UQCRB: variants seen among roughly 807,000 people sequenced by gnomAD.
The protein encoded by UQCRB is cytochrome b-c1 complex subunit 7.
UQCRB carries 12 observed loss-of-function variants against 19.8 expected under a neutral mutation model. The ratio of observed to expected loss-of-function variants is 0.61; its 90% CI spans 0.39 to 0.98. UQCRB has a LOEUF of 0.98. Ranked by LOEUF, UQCRB falls within the 50% of genes least tolerant of loss-of-function variation. The pLI is 0.00. For missense variants in UQCRB, 142 were observed against 131.8 expected (o/e 1.08, Z -0.38); for synonymous variants, 39 against 42.9 (o/e 0.91, Z 0.35).
chr8:96,233,041 A>C, intron 2 of UQCRB, 115 bp downstream of exon 2: 1 of 907,444 alleles, frequency 1.1e-6, no homozygotes, highest in Non-Finnish European at 1.7e-6. Context: ...ACAAGAACTG[A>C]AATGGTTTTT....
intron 1 of UQCRB, 159 bp from the exon 2 acceptor site, chr8:96,233,386 AAAG>A (rs1809722425): frequency 4.8e-6 from 3 of 623,408 alleles, no homozygotes; most frequent in African/African-American, 3.7e-5. Context: ...AATTTAATCA[AAAG>A]AATTAGATTT....
In UQCRB at chr8:96,227,770, T is replaced by C. The variant is rs750229698; in HGVS notation, c.*3285A>G. The C allele has an allele frequency of 4.4e-6, 2 of 453,744 alleles. No homozygotes were observed. Among genetic ancestry groups the C allele is most frequent in the Non-Finnish European group, 8.8e-6 (2 of 226,640 alleles). 28.1% of individuals were successfully genotyped at this position (453,744 alleles called of 1,614,324 possible). A position where few individuals can be genotyped will look rare whatever the true frequency, so the allele number is the denominator to read the frequency against. On this transcript the variant is annotated 3_prime_UTR_variant, in exon 4 of 4. Coordinates refer to ENST00000287022, the MANE Select transcript of UQCRB (RefSeq NM_006294.5). ...GCTGAATCTTTTCATAAGTCAAAATTAGTGCAGAGTTAATGCTTGAAAAGG... is the reference window on the plus strand; with the variant it reads ...GCTGAATCTTTTCATAAGTCAAAATCAGTGCAGAGTTAATGCTTGAAAAGG...
In UQCRB at chr8:96,227,603, A is replaced by G. The variant is rs1274264087; in HGVS notation, c.*3452T>C. The G allele has an allele frequency of 2.2e-6, 1 of 454,084 alleles. No individual in the cohort carries two copies. The highest frequency in any genetic ancestry group is 2.3e-5 in the Admixed American group (1 of 42,582). 28.1% of individuals were successfully genotyped at this position (454,084 alleles called of 1,614,324 possible). On this transcript the variant is annotated 3_prime_UTR_variant, in exon 4 of 4. Transcript: ENST00000287022. ...AAGCTGTCAAGGATTTGGTTATGAC[A>G]ATCTTCATGTTCACCTAACTTTTTA...
chr8:96,231,599 G>A lies in UQCRB; in HGVS notation c.258+175C>T, dbSNP rs73269962. The A allele has an allele frequency of 2.0e-3, 2,668 of 1,324,054 alleles. 38 individuals are homozygous for A. The African/African-American group carries it at 0.034, about 17-fold the overall frequency. 82.0% of individuals were successfully genotyped at this position (1,324,054 alleles called of 1,614,324 possible). On this transcript the variant is annotated intron_variant, in intron 3 of 3. Transcript: ENST00000287022. ...TAATTTCAGAAGAATCATTTCACAC[G>A]TAAGACTCAATGTGGTTTTCTTCTA...
At chr8:96,235,391 C>A in intron 1 of UQCRB, 121 bp downstream of exon 1, 1 of 1,421,134 alleles carries the variant, frequency 7.0e-7, no homozygotes, top group Non-Finnish European at 1.0e-6. Context: ...ACTGAAGCAG[C>A]CAATTTCCCT....
In UQCRB at chr8:96,230,558, C is replaced by T. The variant is rs945284448; in HGVS notation, c.*497G>A. 1 of 453,936 alleles carries T rather than the reference C, an allele frequency of 2.2e-6. No individual in the cohort carries two copies. 28.1% of individuals were successfully genotyped at this position (453,936 alleles called of 1,614,324 possible). On this transcript the variant is annotated 3_prime_UTR_variant, in exon 4 of 4. Transcript: ENST00000287022. The stretch of plus-strand genomic sequence containing the variant: ...TAACATCTTTTTGTTTTCTAGTATA[C>T]ATGTTAGCACAGGAGTATGTATATT...
rs1398647669 is a variant in UQCRB at position 96,228,288 on chromosome 8, C to T, written c.*2767G>A. 4 of 454,064 alleles carry T rather than the reference C, an allele frequency of 8.8e-6. No homozygotes were observed. The Admixed American group carries it at 9.4e-5, about 11-fold the overall frequency. 28.1% of individuals were successfully genotyped at this position (454,064 alleles called of 1,614,324 possible). A position where few individuals can be genotyped will look rare whatever the true frequency, so the allele number is the denominator to read the frequency against. On this transcript the variant is annotated 3_prime_UTR_variant, in exon 4 of 4. Transcript: ENST00000287022. ...AAGATATCAAACATTTTAAACTGTA[C>T]AAAGCAAATTAGCAGGATTTGAATA...
rs993801443 is a variant in UQCRB at position 96,229,172 on chromosome 8, G to A, written c.*1883C>T. On this transcript the variant is annotated 3_prime_UTR_variant, in exon 4 of 4. Coordinates refer to ENST00000287022, the MANE Select transcript of UQCRB (RefSeq NM_006294.5). Reference sequence around the variant, plus strand: ...TGAAGTAATCTGGAAACATAGAATAGGCATACACTTTGGCTTTAGGAAGAA... The same window carrying A: ...TGAAGTAATCTGGAAACATAGAATAAGCATACACTTTGGCTTTAGGAAGAA... 6.6e-6 allele frequency: 3 copies of A among 454,088 alleles called. No individual in the cohort carries two copies. Among genetic ancestry groups the A allele is most frequent in the Admixed American group, 2.3e-5 (1 of 42,574 alleles). The allele number at this position is 454,088 out of a possible 1,614,324, so 28.1% of individuals were successfully genotyped here.
chr8:96,235,336 C>T, intron 1 of UQCRB, 176 bp downstream of exon 1: 1 of 962,632 alleles, frequency 1.0e-6, no homozygotes, highest in Non-Finnish European at 1.6e-6. Context: ...GGCAAGCCCG[C>T]CCTGGGGACA....
Position 96,229,288 on chromosome 8 carries a change from G to A in UQCRB, c.*1767C>T, listed in dbSNP as rs979687342. ...GGGGTTCCTGTTATACCTCAGTCTT[G>A]GTCAGTTCTATTTGTTCCCCTGTCC... On this transcript the variant is annotated 3_prime_UTR_variant, in exon 4 of 4. Coordinates refer to ENST00000287022, the MANE Select transcript of UQCRB (RefSeq NM_006294.5). 6 of 453,938 alleles carry A rather than the reference G, an allele frequency of 1.3e-5. No homozygotes were observed. The highest frequency in any genetic ancestry group is 2.3e-5 in the Admixed American group (1 of 42,560). 28.1% of individuals were successfully genotyped at this position (453,938 alleles called of 1,614,324 possible).
chr8:96,223,001 CAG>C lies in UQCRB; in HGVS notation c.*8052_*8053del, dbSNP rs1442373992. The stretch of plus-strand genomic sequence containing the variant: ...CTAAAACATGTCAAATACATAGAAA[CAG>C]AGAAGAATGGTGGTTTCCAGAGTGG... On this transcript the variant is annotated 3_prime_UTR_variant, in exon 4 of 4. Transcript: ENST00000287022. 6.6e-6 allele frequency among the ~76,000 whole-genome samples: 1 copy of C among 151,978 alleles called. No individual in the cohort carries two copies. The highest frequency in any genetic ancestry group is 2.4e-5 in the African/African-American group (1 of 41,346).
Position 96,228,940 on chromosome 8 carries a change from T to C in UQCRB, c.*2115A>G, listed in dbSNP as rs1235146261. 1 of 454,074 alleles carries C rather than the reference T, an allele frequency of 2.2e-6. No individual in the cohort carries two copies. The highest frequency in any genetic ancestry group is 1.6e-5 in the South Asian group (1 of 64,472). 28.1% of individuals were successfully genotyped at this position (454,074 alleles called of 1,614,324 possible). ...GGTGATTTTCCACACAGGACGGCTT[T>C]TGATAATAGAAAGGCCCTCTCTTTC... On this transcript the variant is annotated 3_prime_UTR_variant, in exon 4 of 4. Transcript: ENST00000287022.
Position 96,225,899 on chromosome 8 carries a change from T to C in UQCRB, c.*5156A>G, listed in dbSNP as rs1352868405. 6.6e-6 allele frequency: 1 copy of C among 152,142 alleles called. No homozygotes were observed. The highest frequency in any genetic ancestry group is 1.5e-5 in the Non-Finnish European group (1 of 68,024). The allele number at this position is 152,142 out of a possible 1,614,324, so 9.4% of individuals were successfully genotyped here. ...TGGTTTTTCTCTGTATTCCCTACAC[T>C]GGTGGTTTTTAGCTGGGAGCAATTC... On this transcript the variant is annotated 3_prime_UTR_variant, in exon 4 of 4. Coordinates refer to ENST00000287022, the MANE Select transcript of UQCRB (RefSeq NM_006294.5).
Position 96,229,306 on chromosome 8 carries a change from C to A in UQCRB, c.*1749G>T. On this transcript the variant is annotated 3_prime_UTR_variant, in exon 4 of 4. Coordinates refer to ENST00000287022, the MANE Select transcript of UQCRB (RefSeq NM_006294.5). ...CAGTCTTGGTCAGTTCTATTTGTTC[C>A]CCTGTCCTTCAGCAGTGCCCTTAGG... 2.2e-6 allele frequency: 1 copy of A among 454,072 alleles called. No individual in the cohort carries two copies. The highest frequency in any genetic ancestry group is 4.4e-6 in the Non-Finnish European group (1 of 226,784). The allele number at this position is 454,072 out of a possible 1,614,324, so 28.1% of individuals were successfully genotyped here.
Position 96,231,029 on chromosome 8 carries a change from T to C in UQCRB, c.*26A>G, listed in dbSNP as rs1451376222. On this transcript the variant is annotated 3_prime_UTR_variant, in exon 4 of 4. Transcript: ENST00000287022. Reference sequence around the variant, plus strand: ...CAAGTTTAACCATCTTCATAACAGCTGCATCCACAGACTTCAACTACATGA... The same window carrying C: ...CAAGTTTAACCATCTTCATAACAGCCGCATCCACAGACTTCAACTACATGA... The C allele has an allele frequency of 4.4e-6, 7 of 1,600,832 alleles. No individual in the cohort carries two copies. Among genetic ancestry groups the C allele is most frequent in the Non-Finnish European group, 6.0e-6 (7 of 1,169,466 alleles).
intron 3 of UQCRB, 118 bp from the exon 4 acceptor site, chr8:96,231,250 CAT>C (rs761961970): frequency 3.1e-6 from 5 of 1,597,066 alleles, no homozygotes; most frequent in South Asian, 1.1e-5. Flanking sequence ...TTTTAGAAAA[CAT>C]ATTCTCAACC....
At position 96,227,454 on chromosome 8, in the gene UQCRB, T is replaced by C; in HGVS notation, c.*3601A>G. On this transcript the variant is annotated 3_prime_UTR_variant, in exon 4 of 4. Coordinates refer to ENST00000287022, the MANE Select transcript of UQCRB (RefSeq NM_006294.5). ...TTCATGCCTTGTTCTAATAAAGGGA[T>C]TTTCCTTGTTTTCCAAAGAGCAACC... 1 of 454,062 alleles carries C rather than the reference T, an allele frequency of 2.2e-6. No homozygotes were observed. The highest frequency in any genetic ancestry group is 1.6e-5 in the South Asian group (1 of 64,478). The allele number at this position is 454,062 out of a possible 1,614,324, so 28.1% of individuals were successfully genotyped here.
chr8:96,234,953 C>T (rs765948317), intron 1 of UQCRB: 21 of 206,388 alleles, frequency 1.0e-4, no homozygotes, highest in Admixed American at 4.8e-4. Context: ...CCTGAAGCGT[C>T]GCTCGTATCC....
intron 1 of UQCRB, 145 bp from the exon 2 acceptor site, chr8:96,233,372 CAAGAATTTAATCAA>C (rs1809721866): frequency 1.6e-6 from 1 of 640,168 alleles, no homozygotes; most frequent in Non-Finnish European, 2.7e-6. Flanking sequence ...GTATATACAG[CAAGAATTTAATCAA>C]AAGAATTAGA....
Sources: gnomAD v4.1 joint callset for allele counts (sites outside exome capture counted in the v4.1 genomes callset) on GRCh38, gnomAD v4.1.1 for gene constraint, MANE v1.5 for transcripts, NCBI Gene and HGNC (gene_info 2026-07-23, HGNC 2026-07-21) for gene names.